ANKRD24: variants seen among roughly 807,000 people sequenced by gnomAD.
ANKRD24 encodes the protein ankyrin repeat domain 24, also known as ankyrin repeat domain-containing protein 24.
A neutral mutation model predicts 127.8 loss-of-function variants in ANKRD24; 109 were observed. That is an observed-to-expected ratio of 0.85 (90% CI 0.73 to 1.00). The LOEUF (loss-of-function observed/expected upper bound fraction) is 1.00, where lower values mean the gene tolerates loss of function less well. Ranked by LOEUF, ANKRD24 falls within the 50% of genes least tolerant of loss-of-function variation. The pLI is 0.00. For synonymous variants in ANKRD24, 743 were observed against 671.1 expected (o/e 1.11, Z -1.66); for missense variants, 1,648 against 1,570.2 (o/e 1.05, Z -0.84).
At chr19:4,183,372 T>A in intron 1 of ANKRD24, 5 of 984,376 alleles carry the variant, frequency 5.1e-6, no homozygotes, top group Non-Finnish European at 6.0e-6. Context: ...GAGGACTCAT[T>A]TAAGAATCAT....
In ANKRD24 at chr19:4,210,264, G is replaced by A. The variant is rs1194800768; in HGVS notation, c.952-1G>A. The A allele has an allele frequency of 4.4e-6, 7 of 1,582,338 alleles. No homozygotes were observed. Among genetic ancestry groups the A allele is most frequent in the Non-Finnish European group, 5.2e-6 (6 of 1,164,732 alleles). ...AAAGGCCGTGGTGGGGAGGGGAACA[G>A]GATGATCGAGATGCCTATGAGGAGA... is the stretch of plus-strand genomic sequence containing the variant. On this transcript the variant is annotated splice_acceptor_variant, in intron 12 of 21. Transcript: ENST00000318934. LOFTEE classifies it high-confidence loss of function.
At chr19:4,203,020 G>T in intron 7 of ANKRD24, 94 bp downstream of exon 7, 1 of 1,038,152 alleles carries the variant, frequency 9.6e-7, no homozygotes, top group Non-Finnish European at 1.4e-6. Flanking sequence ...CTGACCTGCT[G>T]TGAAGCTTCC....
At chr19:4,197,289 T>C (rs1968801842) in intron 2 of ANKRD24, among the ~76,000 whole-genome samples, 1 of 151,602 alleles carries the variant, frequency 6.6e-6, no homozygotes. Context: ...AATGACTGAT[T>C]GAATGAATGA....
rs1205040910 is a variant in ANKRD24 at position 4,195,510 on chromosome 19, G to A, written c.37-4173G>A. Among the ~76,000 whole-genome samples the A allele has an allele frequency of 1.3e-5, 2 of 152,168 alleles. No individual in the cohort carries two copies. The highest frequency in any genetic ancestry group is 2.9e-5 in the Non-Finnish European group (2 of 68,024). ...GACCTCCCCACCCCCAAGGGTGGAA[G>A]GAGAGAAGAGTTCCAAGGACACCCT... On this transcript the variant is annotated intron_variant, in intron 2 of 21. Coordinates refer to ENST00000318934, the MANE Select transcript of ANKRD24 (RefSeq NM_001393985.1). This position sits in a 1 kb window ranked among gnomAD's most constrained non-coding sequence, Gnocchi z 4.2.
intron 2 of ANKRD24, among the ~76,000 whole-genome samples, chr19:4,188,655 C>T (rs562608768): frequency 3.5e-4 from 53 of 152,272 alleles, no homozygotes; most frequent in Non-Finnish European, 4.4e-5. Context: ...GATGGGATTA[C>T]AGGCGTGAGC....
chr19:4,208,682 C>A, intron 10 of ANKRD24, 82 bp from the exon 11 acceptor site: 1 of 1,370,578 alleles, frequency 7.3e-7, no homozygotes, highest in Non-Finnish European at 1.0e-6. Flanking sequence ...AATCGGGAGC[C>A]CCCTACAAGT....
At chr19:4,218,682 CTCCT>C (rs907189850) in intron 18 of ANKRD24, among the ~76,000 whole-genome samples, 1 of 151,280 alleles carries the variant, frequency 6.6e-6, no homozygotes, top group Non-Finnish European at 1.5e-5. Flanking sequence ...CTCTTTATTT[CTCCT>C]TCCTTCCTCT....
chr19:4,209,744 G>A lies in ANKRD24; in HGVS notation c.871-314G>A, dbSNP rs987760737. Among the ~76,000 whole-genome samples the A allele has an allele frequency of 5.9e-5, 9 of 152,170 alleles. 1 individual carries two copies. Among genetic ancestry groups the A allele is most frequent in the South Asian group, 2.1e-4 (1 of 4,830 alleles). On this transcript the variant is annotated intron_variant, in intron 11 of 21. Transcript: ENST00000318934. ...TGGGATTACAGGTGTGAGCCACCGC[G>A]CTGGCCCCTCTCCCAGTTTTAAAGC... is the stretch of plus-strand genomic sequence containing the variant.
intron 2 of ANKRD24, among the ~76,000 whole-genome samples, chr19:4,190,693 A>G (rs1020502386): frequency 8.6e-5 from 13 of 151,858 alleles, no homozygotes; most frequent in African/African-American, 3.1e-4. Flanking sequence ...AGATCACGCC[A>G]TTGCACGATT....
rs185967289 is a variant in ANKRD24, at chr19:4,204,065, G to A, written c.466+1139G>A. Among the ~76,000 whole-genome samples the A allele has an allele frequency of 2.8e-3, 392 of 141,402 alleles. 5 individuals are homozygous for A. Among genetic ancestry groups the A allele is most frequent in the Non-Finnish European group, 4.5e-4 (30 of 66,366 alleles). The allele number at this position is 141,402 out of a possible 152,430, so 92.8% of individuals were successfully genotyped here. A position where few individuals can be genotyped will look rare whatever the true frequency, so the allele number is the denominator to read the frequency against. On this transcript the variant is annotated intron_variant, in intron 7 of 21. Transcript: ENST00000318934. ...TGCAAGCTCCGCCTCCCGGGTCCACGCCATTCTCCTGCCTCAGCCTCCCGA... is the reference window on the plus strand; with the variant it reads ...TGCAAGCTCCGCCTCCCGGGTCCACACCATTCTCCTGCCTCAGCCTCCCGA...
chr19:4,206,034 C>T (rs995608298), intron 7 of ANKRD24, among the ~76,000 whole-genome samples: 3 of 134,948 alleles, frequency 2.2e-5, no homozygotes, highest in Admixed American at 1.5e-4. Flanking sequence ...CCCAGCTACT[C>T]GGGAGGCTGA....
rs1463327860 is a variant in ANKRD24 at position 4,195,021 on chromosome 19, G to A, written c.37-4662G>A. 6.6e-6 allele frequency among the ~76,000 whole-genome samples: 1 copy of A among 151,990 alleles called. No homozygotes were observed. The highest frequency in any genetic ancestry group is 2.4e-5 in the African/African-American group (1 of 41,384). The stretch of plus-strand genomic sequence containing the variant: ...CTCGCTGTGTCTCCCAGGCTGGAGT[G>A]CAGTGGTGCGATCTCGGCGTGAGCC... On this transcript the variant is annotated intron_variant, in intron 2 of 21. Coordinates refer to ENST00000318934, the MANE Select transcript of ANKRD24 (RefSeq NM_001393985.1). This position sits in a 1 kb window ranked among gnomAD's most constrained non-coding sequence, Gnocchi z 4.2.
At chr19:4,211,341 C>T (rs1969726676) in intron 13 of ANKRD24, among the ~76,000 whole-genome samples, 1 of 151,990 alleles carries the variant, frequency 6.6e-6, no homozygotes, top group Non-Finnish European at 1.5e-5. Flanking sequence ...TAAGAGGCAC[C>T]CAGTAAAAAC....
In ANKRD24 at chr19:4,216,778, G is replaced by A. The variant is rs768114881; in HGVS notation, c.1618G>A (p.Gly540Arg). 12 of 1,596,298 alleles carry A rather than the reference G, an allele frequency of 7.5e-6. No individual in the cohort carries two copies. The highest frequency in any genetic ancestry group is 5.4e-5 in the African/African-American group (4 of 74,420). ...TGCTGGAGCCACGGCCACCAAAAAC[G>A]GGCCAACCCACATGGAGCTAAATGG... ...EVAGATATKN[G>R]PTHMELNGSV... The change falls in exon 18 of 22, where the codon GGG becomes AGG. Residue 540 changes from glycine to arginine, a missense_variant. By Grantham distance (125) the Gly-to-Arg change is moderately radical. Coordinates refer to ENST00000318934, the MANE Select transcript of ANKRD24 (RefSeq NM_001393985.1).
chr19:4,204,791 C>T (rs1969292250), intron 7 of ANKRD24, among the ~76,000 whole-genome samples: 2 of 152,314 alleles, frequency 1.3e-5, no homozygotes, highest in East Asian at 1.9e-4. Context: ...CACCTAGTGG[C>T]GGCAATGCTT....
chr19:4,200,047 CA>C, intron 4 of ANKRD24, 35 bp from the exon 5 acceptor site: 3 of 1,568,504 alleles, frequency 1.9e-6, no homozygotes, highest in Non-Finnish European at 2.6e-6. Flanking sequence ...TGAGGGGTGG[CA>C]ACCTTGCGGC....
At position 4,207,846 on chromosome 19, in the gene ANKRD24, G is replaced by A. The variant is rs1402002523; in HGVS notation, c.710G>A (p.Gly237Glu). 1 of 1,566,858 alleles carries A rather than the reference G, an allele frequency of 6.4e-7. No individual in the cohort carries two copies. The highest frequency in any genetic ancestry group is 1.4e-5 in the African/African-American group (1 of 72,950). Residue 237 changes from glycine to glutamate, a missense_variant, in exon 10 of 22, where the codon GGA (glycine) becomes GAA (glutamate). Transcript: ENST00000318934. ...ACAGTGGAGGTCCTGCTGCAGGGCG[G>A]AGCCCAGCCGGGCATCACCGATGCG... ...PETVEVLLQG[G>E]AQPGITDALG... is the part of the protein sequence containing the mutation.
Position 4,198,383 on chromosome 19 carries a change from G to T in ANKRD24, c.37-1300G>T. The T allele has an allele frequency of 4.7e-6, 2 of 426,088 alleles. No individual in the cohort carries two copies. Among genetic ancestry groups the T allele is most frequent in the Non-Finnish European group, 8.3e-6 (2 of 242,350 alleles). The allele number at this position is 426,088 out of a possible 1,614,324, so 26.4% of individuals were successfully genotyped here. On this transcript the variant is annotated intron_variant, in intron 2 of 21. Transcript: ENST00000318934. The surrounding 1 kb of genome is among the most constrained non-coding windows in gnomAD (Gnocchi z 6.1). Reference sequence around the variant, plus strand: ...GCGGGCGGGCGGGGCGGGGAGCTCCGGCAGCGCCCAGCCCCGCCCTCCGGC... The same window carrying T: ...GCGGGCGGGCGGGGCGGGGAGCTCCTGCAGCGCCCAGCCCCGCCCTCCGGC...
Position 4,207,976 on chromosome 19 carries a change from A to G in ANKRD24, c.832+8A>G. 1 of 1,476,034 alleles carries G rather than the reference A, an allele frequency of 6.8e-7. No homozygotes were observed. The highest frequency in any genetic ancestry group is 9.0e-7 in the Non-Finnish European group (1 of 1,113,934). The allele number at this position is 1,476,034 out of a possible 1,614,324, so 91.4% of individuals were successfully genotyped here. ...GCCCCTCCCCACCCAGCGGTATGCA[A>G]GCCCCACCTCCCCAATGCATTTGCT... On this transcript the variant is annotated splice_region_variant and intron_variant, in intron 10 of 21. Transcript: ENST00000318934.
Sources: gnomAD v4.1 joint callset for allele counts (sites outside exome capture counted in the v4.1 genomes callset) on GRCh38, gnomAD v4.1.1 for gene constraint, Gnocchi (gnomAD v3.1) non-coding constraint, MANE v1.5 for transcripts, NCBI Gene and HGNC (gene_info 2026-07-23, HGNC 2026-07-21) for gene names.